FAM151B: variants seen among roughly 807,000 people sequenced by gnomAD.
FAM151B encodes the protein protein FAM151B.
Under a neutral mutation model 31.2 loss-of-function variants are expected in FAM151B, and 24 were observed. The observed-to-expected ratio is 0.77, with a 90% CI of 0.56 to 1.08. The LOEUF (loss-of-function observed/expected upper bound fraction) is 1.08. FAM151B is among the 50% of genes least tolerant of loss of function. The pLI, the probability that FAM151B is intolerant of heterozygous loss-of-function variation, is 0.00. For missense variants in FAM151B, 293 were observed against 328.6 expected, an observed-to-expected ratio of 0.89 and a Z score of 0.84; for synonymous variants, 105 against 111.4, an observed-to-expected ratio of 0.94 and a Z score of 0.36.
chr5:80,517,714 C>T (rs1311085125), intron 3 of FAM151B, among the ~76,000 whole-genome samples: 6 of 152,152 alleles, frequency 3.9e-5, no homozygotes, highest in Non-Finnish European at 7.3e-5. Flanking sequence ...CACAGTGCTT[C>T]GCATGTAGTA....
intron 3 of FAM151B, among the ~76,000 whole-genome samples, chr5:80,514,530 G>A (rs1744335911): frequency 6.7e-6 from 1 of 149,202 alleles, no homozygotes; most frequent in Non-Finnish European, 1.5e-5. Flanking sequence ...ATATTTGGAG[G>A]CATTAATACT....
Position 80,522,037 on chromosome 5 carries a change from T to G in FAM151B, c.570T>G (p.Tyr190Ter), listed in dbSNP as rs779639831. 2.5e-6 allele frequency: 4 copies of G among 1,609,420 alleles called. No homozygotes were observed. The highest frequency in any genetic ancestry group is 3.4e-6 in the Non-Finnish European group (4 of 1,176,460). Reference sequence around the variant, plus strand: ...GGACAATGGTGAAAGAGATGGAATATATATGTAATGAACTAAGTCAGCCTG... The same window carrying G: ...GGACAATGGTGAAAGAGATGGAATAGATATGTAATGAACTAAGTCAGCCTG... Reference protein sequence around the residue: ...YSWTMVKEMEYICNELSQPVT... With the variant: ...YSWTMVKEME The change falls in exon 5 of 6, where the codon TAT (tyrosine) becomes TAG (stop). Residue 190 changes from tyrosine to a stop codon, truncating the protein, a stop_gained. Coordinates refer to ENST00000282226, the MANE Select transcript of FAM151B (RefSeq NM_205548.3). LOFTEE classifies it high-confidence loss of function.
chr5:80,488,400 A>C (rs1743192238), intron 1 of FAM151B, among the ~76,000 whole-genome samples: 1 of 152,212 alleles, frequency 6.6e-6, no homozygotes, highest in Non-Finnish European at 1.5e-5. Flanking sequence ...TGGCAGGGTC[A>C]GTGTCTTTTG....
chr5:80,541,090 T>C (rs1389634162), intron 5 of FAM151B, among the ~76,000 whole-genome samples: 1 of 152,246 alleles, frequency 6.6e-6, no homozygotes, highest in Non-Finnish European at 1.5e-5. Flanking sequence ...TTCTTACATC[T>C]ATAATGAATT....
At chr5:80,510,171 G>A (rs1744127755) in intron 2 of FAM151B, among the ~76,000 whole-genome samples, 1 of 152,156 alleles carries the variant, frequency 6.6e-6, no homozygotes, top group Admixed American at 6.5e-5. Context: ...GATTTTATGG[G>A]TCAGCTGGTG....
At chr5:80,520,281 A>C in intron 4 of FAM151B, among the ~76,000 whole-genome samples, 1 of 152,184 alleles carries the variant, frequency 6.6e-6, no homozygotes. Flanking sequence ...GATTTCTGTA[A>C]AATGTTCCTT....
At position 80,491,570 on chromosome 5, in the gene FAM151B, T is replaced by A. The variant is rs1042316724; in HGVS notation, c.25+3422T>A. 2.0e-5 allele frequency among the ~76,000 whole-genome samples: 3 copies of A among 152,170 alleles called. 1 individual carries two copies. Among genetic ancestry groups the A allele is most frequent in the South Asian group, 4.1e-4 (2 of 4,832 alleles). ...CTGTGCAATAGATCTTGGGAACTTA[T>A]TCCTCCTGTCTAACCGGAACTTTGC... On this transcript the variant is annotated intron_variant, in intron 1 of 5. Transcript: ENST00000282226.
At chr5:80,532,411 A>T (rs1164311076) in intron 5 of FAM151B, among the ~76,000 whole-genome samples, 1 of 152,184 alleles carries the variant, frequency 6.6e-6, no homozygotes, top group Non-Finnish European at 1.5e-5. Flanking sequence ...GACTAAGAAG[A>T]TCACTATATA....
chr5:80,507,920 C>T (rs1245413109), intron 2 of FAM151B, among the ~76,000 whole-genome samples: 1 of 152,124 alleles, frequency 6.6e-6, no homozygotes, highest in African/African-American at 2.4e-5. Context: ...CTCTTTTCCC[C>T]ACACTCTGCC....
intron 1 of FAM151B, chr5:80,500,833 T>G (rs2112605181): frequency 2.2e-6 from 3 of 1,344,142 alleles, no homozygotes; most frequent in South Asian, 2.3e-5. Flanking sequence ...GCGAATTGCT[T>G]TAACAGATAA....
chr5:80,538,434 T>TTCTTTCTTTC (rs1745650864), intron 5 of FAM151B, among the ~76,000 whole-genome samples: 1 of 57,510 alleles, frequency 1.7e-5, no homozygotes, highest in Non-Finnish European at 3.2e-5. Context: ...CTTTCTTTCT[T>TTCTTTCTTTC]TCTTTCTTTC....
chr5:80,521,526 C>T (rs974104834), intron 4 of FAM151B, among the ~76,000 whole-genome samples: 1 of 151,964 alleles, frequency 6.6e-6, no homozygotes, highest in Non-Finnish European at 1.5e-5. Context: ...GTAATTTGGG[C>T]AAGCCAAAAA....
At chr5:80,518,331 A>G (rs1716361942) in intron 3 of FAM151B, among the ~76,000 whole-genome samples, 1 of 152,168 alleles carries the variant, frequency 6.6e-6, no homozygotes, top group African/African-American at 2.4e-5. Flanking sequence ...CCACCCATGA[A>G]GAGCAGCACC....
chr5:80,515,707 T>C (rs898907512), intron 3 of FAM151B, among the ~76,000 whole-genome samples: 2 of 152,230 alleles, frequency 1.3e-5, no homozygotes, highest in Non-Finnish European at 2.9e-5. Context: ...AATAGGTATG[T>C]GAACACCTAT....
At chr5:80,524,689 A>C (rs554224252) in intron 5 of FAM151B, among the ~76,000 whole-genome samples, 3 of 152,190 alleles carry the variant, frequency 2.0e-5, no homozygotes, top group Non-Finnish European at 2.9e-5. Context: ...TATGTAGACT[A>C]TACTTTTTAT....
intron 1 of FAM151B, among the ~76,000 whole-genome samples, chr5:80,494,098 G>A (rs1255197190): frequency 6.6e-6 from 1 of 152,154 alleles, no homozygotes; most frequent in African/African-American, 2.4e-5. Context: ...GAAATATTGG[G>A]GGCTGGTTCC....
In FAM151B at chr5:80,522,011, T is replaced by C; in HGVS notation, c.544T>C (p.Trp182Arg). The stretch of plus-strand genomic sequence containing the variant: ...TTTTCTTTTCTTTTAAGGGTACAGT[T>C]GGACAATGGTGAAAGAGATGGAATA... Reference protein sequence around the residue: ...HPEKVNEGYSWTMVKEMEYIC... With the variant: ...HPEKVNEGYSRTMVKEMEYIC... The change falls in exon 5 of 6, where the codon TGG becomes CGG. Residue 182 changes from tryptophan (W) to arginine (R), a missense_variant. Transcript: ENST00000282226. 1.9e-6 allele frequency: 3 copies of C among 1,581,022 alleles called. No homozygotes were observed. The highest frequency in any genetic ancestry group is 2.6e-6 in the Non-Finnish European group (3 of 1,156,604).
intron 2 of FAM151B, among the ~76,000 whole-genome samples, chr5:80,511,351 G>A (rs973361321): frequency 1.7e-4 from 24 of 141,816 alleles, no homozygotes; most frequent in African/African-American, 6.0e-4. Flanking sequence ...GTGCATGCTT[G>A]TAGTCCTGGC....
intron 2 of FAM151B, among the ~76,000 whole-genome samples, chr5:80,502,245 A>G (rs1010126580): frequency 2.0e-5 from 3 of 152,070 alleles, no homozygotes; most frequent in Non-Finnish European, 2.9e-5. Context: ...TACAAAATGG[A>G]CAAATTGCAT....
Sources: gnomAD v4.1 joint callset for allele counts (sites outside exome capture counted in the v4.1 genomes callset) on GRCh38, gnomAD v4.1.1 for gene constraint, MANE v1.5 for transcripts, NCBI Gene and HGNC (gene_info 2026-07-23, HGNC 2026-07-21) for gene names.